The following AXL variants were observed in gnomAD, a reference collection of about 807,000 sequenced individuals.
AXL encodes the protein tyrosine-protein kinase receptor UFO.
AXL carries 52 observed loss-of-function variants against 104.5 expected under a neutral mutation model. The ratio of observed to expected loss-of-function variants is 0.50; its 90% CI spans 0.40 to 0.63. The LOEUF is 0.63. AXL is among the 20% of genes least tolerant of loss of function. The pLI is 0.00. For synonymous variants in AXL, 455 were observed against 473.7 expected, an observed-to-expected ratio of 0.96 and a Z score of 0.51; for missense variants, 1,024 against 1,188.5, an observed-to-expected ratio of 0.86 and a Z score of 2.04.
chr19:41,252,582 C>T, intron 15 of AXL, 139 bp downstream of exon 15: 1 of 1,085,940 alleles, frequency 9.2e-7, no homozygotes, highest in Non-Finnish European at 1.3e-6. Context: ...AGGCTTCCCC[C>T]TCCTAGTCTC....
intron 2 of AXL, 143 bp downstream of exon 2, chr19:41,221,001 C>T: frequency 8.3e-7 from 1 of 1,199,922 alleles, no homozygotes; most frequent in Non-Finnish European, 1.2e-6. Flanking sequence ...TCGTTTTCCT[C>T]TTCTGCAAAA....
In AXL at chr19:41,252,341, C is replaced by T. The variant is rs2034378594; in HGVS notation, c.1712-10C>T. ...CCCCTCCTCCTCACGACCTTTCTCT[C>T]TCCCTCAAGTTGCCATCTGCACGAG... On this transcript the variant is annotated splice_polypyrimidine_tract_variant and intron_variant, in intron 14 of 19. Transcript: ENST00000301178. 1 of 1,613,148 alleles carries T rather than the reference C, an allele frequency of 6.2e-7. No homozygotes were observed. Among genetic ancestry groups the T allele is most frequent in the Non-Finnish European group, 8.5e-7 (1 of 1,179,538 alleles).
chr19:41,233,686 A>ACTGAGGCCCAGGTC (rs1475088136), intron 6 of AXL, among the ~76,000 whole-genome samples: 1 of 146,674 alleles, frequency 6.8e-6, no homozygotes, highest in African/African-American at 2.5e-5. Context: ...AAGGTGAGGA[A>ACTGAGGCCCAGGTC]CTGAGGCCCA....
chr19:41,231,949 C>CA (rs56711584), intron 6 of AXL, among the ~76,000 whole-genome samples: 2,356 of 146,508 alleles, frequency 0.016, 85 homozygotes, highest in African/African-American at 0.058. Context: ...GAAACAACAA[C>CA]AAAAAAAATT....
intron 13 of AXL, 54 bp from the exon 14 acceptor site, chr19:41,248,689 A>G (rs2034310993): frequency 6.2e-7 from 1 of 1,612,558 alleles, no homozygotes; most frequent in Non-Finnish European, 8.5e-7. Context: ...AACTATAGGA[A>G]ATACAGTCCC....
intron 1 of AXL, 34 bp from the exon 2 acceptor site, chr19:41,220,602 G>T (rs1038987686): frequency 1.3e-6 from 2 of 1,530,860 alleles, no homozygotes; most frequent in East Asian, 2.5e-5. Context: ...GAGCTGGGGG[G>T]TTCCTAAGCT....
intron 9 of AXL, 73 bp from the exon 10 acceptor site, chr19:41,239,621 T>A: frequency 1.3e-6 from 2 of 1,578,892 alleles, no homozygotes; most frequent in Middle Eastern, 1.7e-4. Context: ...TGCCACACCC[T>A]TACTCCCTTA....
At chr19:41,242,614 G>A (rs2034203155) in intron 10 of AXL, among the ~76,000 whole-genome samples, 1 of 152,108 alleles carries the variant, frequency 6.6e-6, no homozygotes, top group Non-Finnish European at 1.5e-5. Context: ...ACAGGCATGA[G>A]CCACCACACC....
At chr19:41,245,959 T>C (rs868562066) in intron 12 of AXL, among the ~76,000 whole-genome samples, 2 of 152,206 alleles carry the variant, frequency 1.3e-5, no homozygotes, top group South Asian at 2.1e-4. Context: ...TGGTCCCCTG[T>C]GGTCCCTGAG....
chr19:41,252,696 C>T (rs1422468399), intron 15 of AXL, 150 bp from the exon 16 acceptor site: 2 of 1,401,618 alleles, frequency 1.4e-6, no homozygotes, highest in Admixed American at 2.5e-5. Flanking sequence ...AGCTTCTCTG[C>T]AGCTTGGTCC....
chr19:41,253,729 C>G (rs2304233), intron 17 of AXL, 21 bp downstream of exon 17: 445 of 804,568 alleles, frequency 5.5e-4, no homozygotes, highest in South Asian at 6.7e-4. Flanking sequence ...TTCAGGGACC[C>G]CCCCCCCCCA....
rs2034520045 is a variant in AXL at position 41,260,329 on chromosome 19, T to TGC, written c.*427_*428dup. ...TTTTTTTTTTTTTTTTTTTTTTTTT[T>TGC]GCGATAGAGTCTCACTGTGTCACCC... On this transcript the variant is annotated 3_prime_UTR_variant, in exon 20 of 20. Transcript: ENST00000301178. 1 of 149,892 alleles carries TGC rather than the reference T, an allele frequency of 6.7e-6. No individual in the cohort carries two copies. The highest frequency in any genetic ancestry group is 1.3e-5 in the Non-Finnish European group (1 of 75,686). 9.3% of individuals were successfully genotyped at this position (149,892 alleles called of 1,614,324 possible). A position where few individuals can be genotyped will look rare whatever the true frequency, so the allele number is the denominator to read the frequency against.
intron 10 of AXL, among the ~76,000 whole-genome samples, chr19:41,241,550 A>AG (rs2122243466): frequency 6.7e-6 from 1 of 150,082 alleles, no homozygotes; most frequent in African/African-American, 2.4e-5. Context: ...TCTCAAAAAA[A>AG]AAAAAAAAAG....
At chr19:41,246,981 CAAAG>C (rs992625356) in intron 12 of AXL, among the ~76,000 whole-genome samples, 1 of 151,424 alleles carries the variant, frequency 6.6e-6, no homozygotes, top group Non-Finnish European at 1.5e-5. Context: ...GATTATATAA[CAAAG>C]AAAATGGATA....
intron 12 of AXL, among the ~76,000 whole-genome samples, chr19:41,247,830 C>A (rs140309009): frequency 2.0e-5 from 3 of 151,872 alleles, no homozygotes; most frequent in Admixed American, 6.6e-5. Context: ...AGTGATCCAC[C>A]GGCCTCTGCC....
At chr19:41,233,711 C>CTCTGGGCCTCAGTTCCT (rs2034033382) in intron 6 of AXL, among the ~76,000 whole-genome samples, 1 of 148,188 alleles carries the variant, frequency 6.7e-6, no homozygotes, top group Admixed American at 6.7e-5. Flanking sequence ...GGGGCCCCCT[C>CTCTGGGCCTCAGTTCCT]TCTGGGCCTC....
chr19:41,224,858 CT>C (rs1408138115), intron 4 of AXL, among the ~76,000 whole-genome samples: 3 of 152,190 alleles, frequency 2.0e-5, no homozygotes, highest in African/African-American at 7.2e-5. Flanking sequence ...GCACTGGCCC[CT>C]GCTGCCTCTG....
intron 4 of AXL, among the ~76,000 whole-genome samples, chr19:41,222,718 A>C (rs2033813606): frequency 6.6e-6 from 1 of 150,744 alleles, no homozygotes; most frequent in Admixed American, 6.6e-5. Flanking sequence ...CATCCTGGCT[A>C]ACACGGTGAA....
chr19:41,232,343 C>G (rs1297460938), intron 6 of AXL, among the ~76,000 whole-genome samples: 4 of 152,170 alleles, frequency 2.6e-5, no homozygotes, highest in African/African-American at 9.7e-5. Flanking sequence ...AAAACCAGGC[C>G]AGGTGTGGTG....
Sources: gnomAD v4.1 joint callset for allele counts (sites outside exome capture counted in the v4.1 genomes callset) on GRCh38, gnomAD v4.1.1 for gene constraint, MANE v1.5 for transcripts, NCBI Gene and HGNC (gene_info 2026-07-23, HGNC 2026-07-21) for gene names.